MCU: variants seen among roughly 807,000 people sequenced by gnomAD.
The protein encoded by MCU is mitochondrial calcium uniporter, also known as calcium uniporter protein, mitochondrial.
Under a neutral mutation model 45.2 loss-of-function variants are expected in MCU, and 12 were observed. The ratio of observed to expected loss-of-function variants is 0.27; its 90% confidence interval spans 0.17 to 0.43. The LOEUF (loss-of-function observed/expected upper bound fraction) is 0.43, where lower values mean the gene tolerates loss of function less well. Among genes scored for constraint, MCU ranks in the 20% least tolerant of loss-of-function variants. The probability of loss-of-function intolerance (pLI) is 1.00; values close to 1 mark genes in which losing one functional copy is unlikely to be tolerated. For synonymous variants in MCU, 160 were observed against 165.1 expected, an observed-to-expected ratio of 0.97 and a Z score of 0.24; for missense variants, 324 against 436.7, an observed-to-expected ratio of 0.74 and a Z score of 2.30.
rs201636946 is a variant in MCU at position 72,841,685 on chromosome 10, G to T, written c.220+7257G>T. ...ACTTAGCAATGTGCACGCTTATACT[G>T]CCTCAGAGGAGAAAGCAGCTCCACC... On this transcript the variant is annotated intron_variant, in intron 2 of 7. Transcript: ENST00000373053. Among the ~76,000 whole-genome samples the T allele has an allele frequency of 3.9e-5, 6 of 152,156 alleles. No homozygotes were observed. In the East Asian group the frequency reaches 1.2e-3, roughly 29 times the overall value.
chr10:72,692,501 C>G, intron 1 of MCU, 200 bp downstream of exon 1: 1 of 942,374 alleles, frequency 1.1e-6, no homozygotes, highest in African/African-American at 1.8e-5. Flanking sequence ...GGGAGGAAGC[C>G]GAGAGGAGGA....
intron 6 of MCU, among the ~76,000 whole-genome samples, chr10:72,879,202 G>A (rs1459898130): frequency 6.6e-6 from 1 of 152,200 alleles, no homozygotes; most frequent in Non-Finnish European, 1.5e-5. Flanking sequence ...GACGAAGGTT[G>A]CAGTGAACTG....
chr10:72,812,084 CT>C (rs34921881), intron 1 of MCU, among the ~76,000 whole-genome samples: 84,666 of 148,616 alleles, frequency 0.57, 25,038 homozygotes, highest in Non-Finnish European at 0.67. Context: ...GTTTATAGTG[CT>C]TTTTTTTTTT....
chr10:72,853,139 T>C (rs146922674), intron 2 of MCU, among the ~76,000 whole-genome samples: 3 of 152,210 alleles, frequency 2.0e-5, no homozygotes, highest in African/African-American at 7.2e-5. Context: ...ACTAGGCATA[T>C]GAAGAAGCAA....
At chr10:72,695,658 A>G (rs1478649920) in intron 1 of MCU, among the ~76,000 whole-genome samples, 2 of 151,912 alleles carry the variant, frequency 1.3e-5, no homozygotes, top group African/African-American at 2.4e-5. Flanking sequence ...GAGGAAAGTC[A>G]CTTGTTAAGT....
intron 1 of MCU, among the ~76,000 whole-genome samples, chr10:72,821,986 G>A (rs1844718617): frequency 6.6e-6 from 1 of 152,072 alleles, no homozygotes; most frequent in Non-Finnish European, 1.5e-5. Flanking sequence ...CATCAAAGAA[G>A]AAATAACGGC....
intron 2 of MCU, among the ~76,000 whole-genome samples, chr10:72,845,285 C>A (rs1845104496): frequency 6.6e-6 from 1 of 152,000 alleles, no homozygotes; most frequent in South Asian, 2.1e-4. Context: ...ATGTGAAACA[C>A]AAGGCTCTAA....
At chr10:72,853,379 C>T (rs1244896481) in intron 2 of MCU, among the ~76,000 whole-genome samples, 2 of 151,916 alleles carry the variant, frequency 1.3e-5, no homozygotes, top group Non-Finnish European at 2.9e-5. Flanking sequence ...GATGGAATTA[C>T]CAGGAAATTA....
chr10:72,804,421 C>T (rs1844398712), intron 1 of MCU, among the ~76,000 whole-genome samples: 1 of 151,962 alleles, frequency 6.6e-6, no homozygotes, highest in Non-Finnish European at 1.5e-5. Flanking sequence ...ACAAATGGCT[C>T]AAATACCACA....
intron 1 of MCU, among the ~76,000 whole-genome samples, chr10:72,758,989 C>CTCTG (rs1252022170): frequency 6.6e-6 from 1 of 152,128 alleles, no homozygotes; most frequent in African/African-American, 2.4e-5. Flanking sequence ...CTGTTTGTAG[C>CTCTG]TCTGTACCTG....
chr10:72,786,310 G>A (rs1158333055), intron 1 of MCU, among the ~76,000 whole-genome samples: 1 of 152,154 alleles, frequency 6.6e-6, no homozygotes, highest in Non-Finnish European at 1.5e-5. Context: ...AGTAAAAAGA[G>A]ATGGGTTGAG....
chr10:72,787,528 C>A (rs536198385), intron 1 of MCU, among the ~76,000 whole-genome samples: 1 of 152,078 alleles, frequency 6.6e-6, no homozygotes, highest in Non-Finnish European at 1.5e-5. Flanking sequence ...CTCAACCTCC[C>A]AAAGTGCTGA....
At position 72,820,161 on chromosome 10, in the gene MCU, A is replaced by G. The variant is rs76636181; in HGVS notation, c.151-14198A>G. The stretch of plus-strand genomic sequence containing the variant: ...AAAGAATATTTCATTTGTGCTGTGC[A>G]TGTGAATATATTTACATGCCTTGTG... On this transcript the variant is annotated intron_variant, in intron 1 of 7. Transcript: ENST00000373053. Among the ~76,000 whole-genome samples the G allele has an allele frequency of 2.2e-3, 338 of 152,322 alleles. 2 individuals carry two copies. Among genetic ancestry groups the G allele is most frequent in the African/African-American group, 7.8e-3 (323 of 41,576 alleles).
intron 2 of MCU, among the ~76,000 whole-genome samples, chr10:72,856,570 T>C (rs978235538): frequency 1.1e-4 from 16 of 152,064 alleles, no homozygotes; most frequent in Non-Finnish European, 5.9e-5. Context: ...ATAAACTCTT[T>C]GATTAGTAGG....
intron 2 of MCU, among the ~76,000 whole-genome samples, chr10:72,840,561 A>G (rs1267969459): frequency 1.3e-5 from 2 of 152,218 alleles, no homozygotes; most frequent in East Asian, 3.9e-4. Flanking sequence ...GAGGACACAT[A>G]CATACCCAAC....
At chr10:72,856,189 C>A (rs142151351) in intron 2 of MCU, among the ~76,000 whole-genome samples, 32 of 152,218 alleles carry the variant, frequency 2.1e-4, no homozygotes, top group African/African-American at 7.2e-4. Flanking sequence ...ATATAAAAAT[C>A]TATAAAAACC....
At chr10:72,814,056 A>G (rs1374110092) in intron 1 of MCU, among the ~76,000 whole-genome samples, 1 of 152,210 alleles carries the variant, frequency 6.6e-6, no homozygotes, top group Non-Finnish European at 1.5e-5. Context: ...TGGAGGAGGT[A>G]CTTGAATCCA....
intron 1 of MCU, among the ~76,000 whole-genome samples, chr10:72,738,066 A>G (rs1293483453): frequency 6.6e-6 from 1 of 152,204 alleles, no homozygotes; most frequent in Non-Finnish European, 1.5e-5. Flanking sequence ...ATTTTAAACG[A>G]ATGAGAAAAC....
At chr10:72,874,134 A>C (rs1463530208) in intron 6 of MCU, among the ~76,000 whole-genome samples, 1 of 152,138 alleles carries the variant, frequency 6.6e-6, no homozygotes, top group African/African-American at 2.4e-5. Context: ...ATTTCTGTGA[A>C]GAGTATAATT....
Sources: gnomAD v4.1 joint callset for allele counts (sites outside exome capture counted in the v4.1 genomes callset) on GRCh38, gnomAD v4.1.1 for gene constraint, MANE v1.5 for transcripts, NCBI Gene and HGNC (gene_info 2026-07-23, HGNC 2026-07-21) for gene names.